Variants in RNF207 observed in about 807,000 individuals in gnomAD.
The protein encoded by RNF207 is OTTHUMG00000001089.
RNF207 carries 72 observed loss-of-function variants against 79.0 expected under a neutral mutation model. The ratio of observed to expected loss-of-function variants is 0.91; its 90% CI spans 0.75 to 1.11. The LOEUF is 1.11. Among genes scored for constraint, RNF207 ranks in the 50% least tolerant of loss-of-function variants. The probability of loss-of-function intolerance (pLI) is 0.00; values close to 1 mark genes in which losing one functional copy is unlikely to be tolerated. For missense variants in RNF207, 936 were observed against 855.8 expected (o/e 1.09, Z -1.17); for synonymous variants, 348 against 366.2 (o/e 0.95, Z 0.57).
intron 13 of RNF207, 27 bp from the exon 14 acceptor site, chr1:6,212,204 A>G (rs1366939188): frequency 1.3e-6 from 2 of 1,599,438 alleles, no homozygotes; most frequent in South Asian, 2.2e-5. Context: ...AGGGTGACCC[A>G]CGCTCTCACA....
At position 6,206,518 on chromosome 1, in the gene RNF207, C is replaced by T. The variant is rs1667906932; in HGVS notation, c.1-18C>T. The T allele has an allele frequency of 1.3e-6, 2 of 1,539,544 alleles. No individual in the cohort carries two copies. Among genetic ancestry groups the T allele is most frequent in the East Asian group, 2.4e-5 (1 of 42,130 alleles). ...GCTCCGTGCGTGCCCCAGCCGCCCG[C>T]TTGCGCTGTCGCTGCAGATGTCGGG... is the stretch of plus-strand genomic sequence containing the variant. On this transcript the variant is annotated intron_variant, in intron 1 of 17. Transcript: ENST00000377939.
At position 6,207,909 on chromosome 1, in the gene RNF207, C is replaced by T. The variant is rs1166298383; in HGVS notation, c.324+398C>T. 5.4e-6 allele frequency: 2 copies of T among 370,892 alleles called. No homozygotes were observed. Among genetic ancestry groups the T allele is most frequent in the East Asian group, 6.9e-5 (1 of 14,530 alleles). 23.0% of individuals were successfully genotyped at this position (370,892 alleles called of 1,614,324 possible). On this transcript the variant is annotated intron_variant, in intron 3 of 17. Transcript: ENST00000377939. This position sits in a 1 kb window ranked among gnomAD's most constrained non-coding sequence, Gnocchi z 4.5. ...GGGAGGTGGGGACAGCATGCTGTTC[C>T]CTCTGGGCTGTAAAAGGCACAGGGG...
chr1:6,206,535 G>A lies in RNF207; in HGVS notation c.1-1G>A, dbSNP rs1288101069. On this transcript the variant is annotated splice_acceptor_variant, in intron 1 of 17. Transcript: ENST00000377939. LOFTEE classifies it low-confidence loss of function (5UTR_SPLICE). The stretch of plus-strand genomic sequence containing the variant: ...GCCGCCCGCTTGCGCTGTCGCTGCA[G>A]ATGTCGGGAGCTATCTTCGGGCCCC... 6.4e-7 allele frequency: 1 copy of A among 1,568,184 alleles called. No homozygotes were observed. Among genetic ancestry groups the A allele is most frequent in the Non-Finnish European group, 8.6e-7 (1 of 1,165,566 alleles).
In RNF207 at chr1:6,209,933, G is replaced by C. The variant is rs758550233; in HGVS notation, c.763G>C (p.Ala255Pro). The change falls in exon 8 of 18, where the codon GCA becomes CCA. Residue 255 changes from alanine (A) to proline (P), a missense_variant. By Grantham distance (27) the Ala-to-Pro change is conservative (BLOSUM62 -1). Coordinates refer to ENST00000377939, the MANE Select transcript of RNF207 (RefSeq NM_207396.3). Reference protein sequence around the residue: ...ALFGSMQDRLAERKALLLQAV... With the variant: ...ALFGSMQDRLPERKALLLQAV... Reference sequence around the variant, plus strand: ...TCGCCATCTCTCCCAGGACAGGCTGGCAGAGAGGAAAGCGCTGCTGCTGCA... The same window carrying C: ...TCGCCATCTCTCCCAGGACAGGCTGCCAGAGAGGAAAGCGCTGCTGCTGCA... The C allele has an allele frequency of 6.3e-7, 1 of 1,591,256 alleles. No homozygotes were observed. Among genetic ancestry groups the C allele is most frequent in the East Asian group, 2.2e-5 (1 of 44,572 alleles).
Position 6,206,505 on chromosome 1 carries a change from C to A in RNF207, c.1-31C>A. 2.7e-6 allele frequency: 4 copies of A among 1,508,118 alleles called. No homozygotes were observed. The South Asian group carries it at 4.9e-5, about 18-fold the overall frequency. The allele number at this position is 1,508,118 out of a possible 1,614,324, so 93.4% of individuals were successfully genotyped here. A position where few individuals can be genotyped will look rare whatever the true frequency, so the allele number is the denominator to read the frequency against. Reference sequence around the variant, plus strand: ...GAGCTCAAGCGGGGCTCCGTGCGTGCCCCAGCCGCCCGCTTGCGCTGTCGC... The same window carrying A: ...GAGCTCAAGCGGGGCTCCGTGCGTGACCCAGCCGCCCGCTTGCGCTGTCGC... On this transcript the variant is annotated intron_variant, in intron 1 of 17. Transcript: ENST00000377939.
intron 10 of RNF207, chr1:6,210,653 C>A: frequency 1.6e-6 from 1 of 636,080 alleles, no homozygotes; most frequent in East Asian, 2.7e-5. Flanking sequence ...TACAGTCCCC[C>A]GTGGGGCGGA....
rs750316499 is a variant in RNF207 at position 6,210,208 on chromosome 1, GCCCCCCT to G, written c.801-9_801-3del. 27 of 1,609,942 alleles carry G rather than the reference GCCCCCCT, an allele frequency of 1.7e-5. No individual in the cohort carries two copies. The highest frequency in any genetic ancestry group is 2.3e-5 in the Non-Finnish European group (27 of 1,177,702). On this transcript the variant is annotated splice_polypyrimidine_tract_variant and splice_region_variant and intron_variant, in intron 8 of 17. Transcript: ENST00000377939. ...CTCCTGGCCCCCTGGAAACCAGGCA[GCCCCCCT>G]CCCCCAGCCAATACGAAGAGAAGGA...
In RNF207 at chr1:6,209,485, G is replaced by A; in HGVS notation, c.699G>A (p.Arg233=). 6.7e-7 allele frequency: 1 copy of A among 1,484,956 alleles called. No individual in the cohort carries two copies. 92.0% of individuals were successfully genotyped at this position (1,484,956 alleles called of 1,614,324 possible). A position where few individuals can be genotyped will look rare whatever the true frequency, so the allele number is the denominator to read the frequency against. The part of the protein sequence containing the change: ...ALLQAMVEEV[R]HSAAEEEDAI... ...TGCAGGCCATGGTGGAGGAGGTGCG[G>A]CACAGCGCCGCCGAGGAGGAGGACG... Residue 233 remains arginine, a synonymous_variant, in exon 7 of 18, where the codon CGG becomes CGA. Transcript: ENST00000377939.
chr1:6,210,084 C>A, intron 8 of RNF207, 114 bp downstream of exon 8: 1 of 1,328,002 alleles, frequency 7.5e-7, no homozygotes, highest in South Asian at 1.3e-5. Flanking sequence ...GAATGTCCTC[C>A]CAGCTAAGGA....
Position 6,216,621 on chromosome 1 carries a change from C to T in RNF207, c.1653-1668C>T, listed in dbSNP as rs1440352436. ...TGTCGCCCAAACTGGAGTGCAGTGG[C>T]GTGATCTCGGCTCACTGCAACCTCC... On this transcript the variant is annotated intron_variant, in intron 16 of 17. Transcript: ENST00000377939. Among the ~76,000 whole-genome samples the T allele has an allele frequency of 2.7e-5, 4 of 150,236 alleles. No individual in the cohort carries two copies. The East Asian group carries it at 5.8e-4, about 22-fold the overall frequency.
chr1:6,207,800 A>C lies in RNF207; in HGVS notation c.324+289A>C, dbSNP rs1269191631. ...TCAGGGTGGAGTTGTGGACCTGCAC[A>C]GGAGGGGCAGTCCAGTTTGCAGGCC... is the stretch of plus-strand genomic sequence containing the variant. On this transcript the variant is annotated intron_variant, in intron 3 of 17. Transcript: ENST00000377939. This position sits in a 1 kb window ranked among gnomAD's most constrained non-coding sequence, Gnocchi z 4.5. 1.6e-6 allele frequency: 1 copy of C among 613,750 alleles called. No homozygotes were observed. Among genetic ancestry groups the C allele is most frequent in the Admixed American group, 2.1e-5 (1 of 46,718 alleles). The allele number at this position is 613,750 out of a possible 1,614,324, so 38.0% of individuals were successfully genotyped here. A position where few individuals can be genotyped will look rare whatever the true frequency, so the allele number is the denominator to read the frequency against.
chr1:6,218,457 C>T, intron 17 of RNF207, 88 bp downstream of exon 17: 1 of 1,020,752 alleles, frequency 9.8e-7, no homozygotes, highest in Non-Finnish European at 1.5e-6. Flanking sequence ...GGCTTTTCCC[C>T]TTTGGCGCCA....
In RNF207 at chr1:6,220,832, G is replaced by A. The variant is rs749580826; in HGVS notation, c.*1425G>A. 5.3e-5 allele frequency: 8 copies of A among 152,144 alleles called. No homozygotes were observed. Among genetic ancestry groups the A allele is most frequent in the African/African-American group, 7.2e-5 (3 of 41,414 alleles). 9.4% of individuals were successfully genotyped at this position (152,144 alleles called of 1,614,324 possible). Reference sequence around the variant, plus strand: ...GTGACGTAAAATTTTACAAGTTTTTGTGGCAAAATGATGCCCAGATAGTCA... The same window carrying A: ...GTGACGTAAAATTTTACAAGTTTTTATGGCAAAATGATGCCCAGATAGTCA... On this transcript the variant is annotated 3_prime_UTR_variant, in exon 18 of 18. Coordinates refer to ENST00000377939, the MANE Select transcript of RNF207 (RefSeq NM_207396.3).
chr1:6,209,566 C>T (rs891113516), intron 7 of RNF207, 27 bp downstream of exon 7: 29 of 1,436,702 alleles, frequency 2.0e-5, no homozygotes, highest in Non-Finnish European at 2.5e-5. Context: ...GGGGGATAAA[C>T]GACCCAGCCG....
In RNF207 at chr1:6,209,651, G is replaced by A. The variant is rs1478441004; in HGVS notation, c.753+112G>A. 7.8e-6 allele frequency: 10 copies of A among 1,289,004 alleles called. No homozygotes were observed. In the East Asian group the frequency reaches 1.1e-4, roughly 14 times the overall value. 79.8% of individuals were successfully genotyped at this position (1,289,004 alleles called of 1,614,324 possible). On this transcript the variant is annotated intron_variant, in intron 7 of 17. Transcript: ENST00000377939. ...AGTGGGGCAGCAGGCCTTGCACCAAGCACTTTCCTGGAGTTGCTAGGAGAG... is the reference window on the plus strand; with the variant it reads ...AGTGGGGCAGCAGGCCTTGCACCAAACACTTTCCTGGAGTTGCTAGGAGAG...
rs1206749476 is a variant in RNF207 at position 6,211,080 on chromosome 1, G to T, written c.1071G>T (p.Gly357=). Residue 357 remains glycine, a synonymous_variant, in exon 12 of 18, where the codon GGG becomes GGT. Transcript: ENST00000377939. The surrounding 1 kb of genome is among the most constrained non-coding windows in gnomAD (Gnocchi z 4.2). Reference sequence around the variant, plus strand: ...GTCTGGAGCCACTGCTGCTGCTGGGGCCACGTCGGGTGGCAGCTGCTGCAA... The same window carrying T: ...GTCTGGAGCCACTGCTGCTGCTGGGTCCACGTCGGGTGGCAGCTGCTGCAA... ...ARCLEPLLLL[G]PRRVAAAASG... The T allele has an allele frequency of 6.2e-7, 1 of 1,604,762 alleles. No homozygotes were observed. Among genetic ancestry groups the T allele is most frequent in the South Asian group, 1.1e-5 (1 of 90,438 alleles).
At position 6,209,413 on chromosome 1, in the gene RNF207, G is replaced by A. The variant is rs1668061962; in HGVS notation, c.628-1G>A. On this transcript the variant is annotated splice_acceptor_variant, in intron 6 of 17. Coordinates refer to ENST00000377939, the MANE Select transcript of RNF207 (RefSeq NM_207396.3). LOFTEE classifies it high-confidence loss of function. ...CGAGCCTGACCACGCCCTGTCCCCA[G>A]GCCGTGAAGGCCCTGCAGACGGCCA... 6.6e-7 allele frequency: 1 copy of A among 1,521,498 alleles called. No homozygotes were observed. Among genetic ancestry groups the A allele is most frequent in the Non-Finnish European group, 8.8e-7 (1 of 1,139,904 alleles). The allele number at this position is 1,521,498 out of a possible 1,614,324, so 94.2% of individuals were successfully genotyped here. A position where few individuals can be genotyped will look rare whatever the true frequency, so the allele number is the denominator to read the frequency against.
Position 6,209,455 on chromosome 1 carries a change from G to T in RNF207, c.669G>T (p.Ala223=). 6.6e-7 allele frequency: 1 copy of T among 1,513,816 alleles called. No homozygotes were observed. The allele number at this position is 1,513,816 out of a possible 1,614,324, so 93.8% of individuals were successfully genotyped here. ...ALQTATREAI[A]LLQAMVEEVR... Reference sequence around the variant, plus strand: ...AGACGGCCACGCGGGAGGCCATCGCGCTGCTGCAGGCCATGGTGGAGGAGG... The same window carrying T: ...AGACGGCCACGCGGGAGGCCATCGCTCTGCTGCAGGCCATGGTGGAGGAGG... Residue 223 remains alanine (A), a synonymous_variant, in exon 7 of 18, where the codon GCG becomes GCT. Transcript: ENST00000377939.
rs558063741 is a variant in RNF207 at position 6,207,056 on chromosome 1, A to T, written c.192-323A>T. On this transcript the variant is annotated intron_variant, in intron 2 of 17. Coordinates refer to ENST00000377939, the MANE Select transcript of RNF207 (RefSeq NM_207396.3). The surrounding 1 kb of genome is among the most constrained non-coding windows in gnomAD (Gnocchi z 4.5). ...GGTCCTAGAAGTCTTAGGTCCACAA[A>T]ACCACAGTTTCAGTTATGTGGGCTC... is the stretch of plus-strand genomic sequence containing the variant. 6.6e-6 allele frequency among the ~76,000 whole-genome samples: 1 copy of T among 152,294 alleles called. No homozygotes were observed. Among genetic ancestry groups the T allele is most frequent in the East Asian group, 1.9e-4 (1 of 5,170 alleles).
Sources: allele counts gnomAD v4.1 joint callset (sites outside exome capture counted in the v4.1 genomes callset), GRCh38; gene constraint gnomAD v4.1.1; non-coding constraint Gnocchi (gnomAD v3.1); transcripts MANE v1.5; gene names NCBI Gene and HGNC (gene_info 2026-07-23, HGNC 2026-07-21).